Variants in TBCD observed in about 807,000 individuals in gnomAD.
TBCD encodes tubulin-specific chaperone D.
A neutral mutation model predicts 169.3 loss-of-function variants in TBCD; 105 were observed. The observed-to-expected ratio is 0.62, with a 90% CI of 0.53 to 0.73. The LOEUF (loss-of-function observed/expected upper bound fraction) is 0.73, where lower values mean the gene tolerates loss of function less well. Among genes scored for constraint, TBCD ranks in the 30% least tolerant of loss-of-function variants. The probability of loss-of-function intolerance (pLI) is 0.00; values close to 1 mark genes in which losing one functional copy is unlikely to be tolerated. For synonymous variants in TBCD, 700 were observed against 643.9 expected (o/e 1.09, Z -1.32); for missense variants, 1,444 against 1,600.1 (o/e 0.90, Z 1.66).
In TBCD at chr17:82,940,221, G is replaced by GCGCACACACACACACACACACA. The variant is rs1356825330; in HGVS notation, c.3479+746_3479+747insGCACACACACACACACACACAC. Among the ~76,000 whole-genome samples, 23 of 131,798 alleles carry GCGCACACACACACACACACACA rather than the reference G, an allele frequency of 1.7e-4. No individual in the cohort carries two copies. In the East Asian group the frequency reaches 2.9e-3, roughly 17 times the overall value. 86.5% of individuals were successfully genotyped at this position (131,798 alleles called of 152,430 possible). A position where few individuals can be genotyped will look rare whatever the true frequency, so the allele number is the denominator to read the frequency against. ...CACACACATGCTCACTTGCACGCGCGCACACACACACACACACACACACAC... is the reference window on the plus strand; with the variant it reads ...CACACACATGCTCACTTGCACGCGCGCGCACACACACACACACACACACACACACACACACACACACACACAC... On this transcript the variant is annotated intron_variant, in intron 37 of 38. Transcript: ENST00000355528.
intron 21 of TBCD, 66 bp downstream of exon 21, chr17:82,907,887 C>A (rs2060358911): frequency 1.3e-6 from 2 of 1,545,944 alleles, no homozygotes; most frequent in African/African-American, 1.4e-5. Flanking sequence ...TAGGGCCTCC[C>A]ACCCTCCCCA....
chr17:82,859,533 G>A (rs1478121582), intron 13 of TBCD: 3 of 984,476 alleles, frequency 3.0e-6, no homozygotes, highest in Non-Finnish European at 3.6e-6. Context: ...CCTGTTGGGT[G>A]AGCAGACACA....
intron 22 of TBCD, among the ~76,000 whole-genome samples, chr17:82,911,551 C>T (rs1599475955): frequency 6.6e-6 from 1 of 152,228 alleles, no homozygotes; most frequent in East Asian, 1.9e-4. Flanking sequence ...ATCAGCATCA[C>T]CCCAGCTAGG....
Position 82,784,940 on chromosome 17 carries a change from G to A in TBCD, c.771+3219G>A, listed in dbSNP as rs559275974. On this transcript the variant is annotated intron_variant, in intron 7 of 38. Transcript: ENST00000355528. ...TGGACCCGACCCATCGCAGCGACAG[G>A]GGGTCCATGCTGTGTGACTGAGACC... Among the ~76,000 whole-genome samples, 3 of 151,984 alleles carry A rather than the reference G, an allele frequency of 2.0e-5. No individual in the cohort carries two copies. The East Asian group carries it at 5.8e-4, about 29-fold the overall frequency.
At position 82,890,769 on chromosome 17, in the gene TBCD, C is replaced by T. The variant is rs1035792138; in HGVS notation, c.1563+1072C>T. Among the ~76,000 whole-genome samples the T allele has an allele frequency of 1.3e-5, 2 of 152,112 alleles. No homozygotes were observed. The highest frequency in any genetic ancestry group is 2.4e-5 in the African/African-American group (1 of 41,414). ...TGTGTTCAGAGCCCTGAGCCCTGGT[C>T]GGAGCCAGTTCACTAGGAAGAGACA... On this transcript the variant is annotated intron_variant, in intron 16 of 38. Coordinates refer to ENST00000355528, the MANE Select transcript of TBCD (RefSeq NM_005993.5). This position sits in a 1 kb window ranked among gnomAD's most constrained non-coding sequence, Gnocchi z 5.3.
At chr17:82,937,245 C>T (rs1487420020) in intron 34 of TBCD, 26 bp from the exon 35 acceptor site, 6 of 1,610,876 alleles carry the variant, frequency 3.7e-6, no homozygotes, top group Non-Finnish European at 5.1e-6. Flanking sequence ...GAAAGCTCAT[C>T]TCTAAAGTGT....
At chr17:82,846,304 A>ATGCGCTGCGTCCTCTGTGC (rs1299861235) in intron 13 of TBCD, among the ~76,000 whole-genome samples, 1 of 135,974 alleles carries the variant, frequency 7.4e-6, no homozygotes, top group East Asian at 2.1e-4. Context: ...TGCCCCCTCC[A>ATGCGCTGCGTCCTCTGTGC]CGTGCTGCGT....
chr17:82,761,323 C>T (rs529895583), intron 2 of TBCD, among the ~76,000 whole-genome samples: 1 of 152,302 alleles, frequency 6.6e-6, no homozygotes, highest in South Asian at 2.1e-4. Context: ...AATAATGCTA[C>T]TCTTTATCCA....
chr17:82,803,042 T>C (rs918679576), intron 9 of TBCD, among the ~76,000 whole-genome samples: 1 of 152,238 alleles, frequency 6.6e-6, no homozygotes, highest in African/African-American at 2.4e-5. Flanking sequence ...TTTCTAACTT[T>C]TTTCCATTTT....
At chr17:82,865,246 G>T (rs1387162355) in intron 13 of TBCD, among the ~76,000 whole-genome samples, 1 of 152,038 alleles carries the variant, frequency 6.6e-6, no homozygotes, top group African/African-American at 2.4e-5. Flanking sequence ...GGGAGGGTCT[G>T]CAGGGACGGC....
chr17:82,885,152 G>C (rs751451237), intron 15 of TBCD, among the ~76,000 whole-genome samples: 86 of 152,054 alleles, frequency 5.7e-4, no homozygotes, highest in Admixed American at 6.5e-4. Context: ...AGGGGTGCTG[G>C]GACTGGTGAG....
chr17:82,807,968 A>G (rs1161381329), intron 11 of TBCD, among the ~76,000 whole-genome samples: 8 of 152,140 alleles, frequency 5.3e-5, no homozygotes, highest in Non-Finnish European at 8.8e-5. Context: ...CCCCCCACCT[A>G]TCGTTCCCCA....
At chr17:82,926,343 A>G (rs1308261586) in intron 27 of TBCD, 57 bp from the exon 28 acceptor site, 3 of 1,550,046 alleles carry the variant, frequency 1.9e-6, no homozygotes, top group African/African-American at 1.4e-5. Flanking sequence ...CCACCTCCCT[A>G]AAGAGTGCAC....
chr17:82,819,747 T>G (rs2052249974), intron 13 of TBCD, among the ~76,000 whole-genome samples: 1 of 152,200 alleles, frequency 6.6e-6, no homozygotes, highest in Non-Finnish European at 1.5e-5. Context: ...AAAGGGCTAC[T>G]TGGTCTTTAT....
intron 23 of TBCD, among the ~76,000 whole-genome samples, chr17:82,919,833 A>G (rs1199317137): frequency 6.6e-6 from 1 of 152,136 alleles, no homozygotes; most frequent in Non-Finnish European, 1.5e-5. Context: ...CGCCAGGTGG[A>G]CCGACGGCCT....
intron 13 of TBCD, among the ~76,000 whole-genome samples, chr17:82,841,574 A>G (rs779251011): frequency 6.6e-6 from 1 of 152,194 alleles, no homozygotes; most frequent in African/African-American, 2.4e-5. Flanking sequence ...TGAGACATCC[A>G]TATACTTTAT....
chr17:82,791,371 G>A (rs1210625504), intron 7 of TBCD, among the ~76,000 whole-genome samples: 2 of 152,186 alleles, frequency 1.3e-5, no homozygotes, highest in East Asian at 1.9e-4. Flanking sequence ...GATTACAGGC[G>A]TGAACCACTG....
chr17:82,798,793 A>G (rs139820668), intron 8 of TBCD, among the ~76,000 whole-genome samples: 1 of 152,142 alleles, frequency 6.6e-6, no homozygotes, highest in Non-Finnish European at 1.5e-5. Flanking sequence ...TGTGTCGCCC[A>G]GGCTGGAATA....
chr17:82,944,050 C>T lies in TBCD; in HGVS notation c.*1587C>T, dbSNP rs542071341. The T allele has an allele frequency of 3.2e-4, 48 of 152,350 alleles. No individual in the cohort carries two copies. Among genetic ancestry groups the T allele is most frequent in the African/African-American group, 1.1e-3 (47 of 41,556 alleles). 9.4% of individuals were successfully genotyped at this position (152,350 alleles called of 1,614,324 possible). On this transcript the variant is annotated 3_prime_UTR_variant, in exon 39 of 39. Coordinates refer to ENST00000355528, the MANE Select transcript of TBCD (RefSeq NM_005993.5). ...AAAGCTCCTGCTGGCCTGGGATGCACTGAGGATGGAAGGAACAAGTGGCTT... is the reference window on the plus strand; with the variant it reads ...AAAGCTCCTGCTGGCCTGGGATGCATTGAGGATGGAAGGAACAAGTGGCTT...
Sources: gnomAD v4.1 joint callset for allele counts (sites outside exome capture counted in the v4.1 genomes callset) on GRCh38, gnomAD v4.1.1 for gene constraint, Gnocchi (gnomAD v3.1) non-coding constraint, MANE v1.5 for transcripts, NCBI Gene and HGNC (gene_info 2026-07-23, HGNC 2026-07-21) for gene names.